The following WASF2 variants were observed in gnomAD, a reference collection of about 807,000 sequenced individuals.
The protein encoded by WASF2 is actin-binding protein WASF2.
WASF2 carries 14 observed loss-of-function variants against 45.0 expected under a neutral mutation model. The observed-to-expected ratio is 0.31, with a 90% CI of 0.21 to 0.49. The LOEUF (loss-of-function observed/expected upper bound fraction) is 0.49, where lower values mean the gene tolerates loss of function less well. Ranked by LOEUF, WASF2 falls within the 20% of genes least tolerant of loss-of-function variation. WASF2 has a pLI of 0.99. For missense variants in WASF2, 439 were observed against 636.1 expected, an observed-to-expected ratio of 0.69 and a Z score of 3.33; for synonymous variants, 200 against 236.3, an observed-to-expected ratio of 0.85 and a Z score of 1.41.
chr1:27,419,700 T>C (rs2016879590), intron 2 of WASF2, among the ~76,000 whole-genome samples: 1 of 152,220 alleles, frequency 6.6e-6, no homozygotes, highest in South Asian at 2.1e-4. Context: ...AAAAACAGAT[T>C]GGGAGTTCAG....
chr1:27,461,460 A>ATTTT (rs1310567255), intron 1 of WASF2, among the ~76,000 whole-genome samples: 2 of 127,700 alleles, frequency 1.6e-5, no homozygotes, highest in African/African-American at 6.0e-5. Flanking sequence ...CCACTTCAGC[A>ATTTT]TTTTTTTTTT....
intron 2 of WASF2, among the ~76,000 whole-genome samples, chr1:27,421,086 A>G (rs937003826): frequency 1.3e-5 from 2 of 152,200 alleles, no homozygotes; most frequent in Non-Finnish European, 2.9e-5. Context: ...TTGCTGGTAA[A>G]TTTAAGTCAA....
chr1:27,470,476 C>A (rs2017674057), intron 1 of WASF2, among the ~76,000 whole-genome samples: 1 of 152,024 alleles, frequency 6.6e-6, no homozygotes, highest in African/African-American at 2.4e-5. Flanking sequence ...TGAAAACAAG[C>A]AGGAGTTGAG....
chr1:27,479,562 C>T (rs2017817824), intron 1 of WASF2, among the ~76,000 whole-genome samples: 1 of 152,152 alleles, frequency 6.6e-6, no homozygotes, highest in South Asian at 2.1e-4. Flanking sequence ...TTTACTTTAT[C>T]TATAAAATGC....
intron 1 of WASF2, among the ~76,000 whole-genome samples, chr1:27,430,504 G>A (rs1038260249): frequency 1.3e-5 from 2 of 152,066 alleles, no homozygotes; most frequent in African/African-American, 2.4e-5. Flanking sequence ...AGGATTACAG[G>A]CATGCACCAC....
At chr1:27,459,676 ATGTTCACATG>A (rs1443705038) in intron 1 of WASF2, 1 of 152,174 alleles carries the variant, frequency 6.6e-6, no homozygotes, top group Non-Finnish European at 1.5e-5. Flanking sequence ...AAAAAAACTT[ATGTTCACATG>A]TGTTTTATCC....
At chr1:27,468,367 G>A (rs1006013086) in intron 1 of WASF2, among the ~76,000 whole-genome samples, 6 of 151,912 alleles carry the variant, frequency 3.9e-5, no homozygotes, top group African/African-American at 1.4e-4. Context: ...CTGACCAGGC[G>A]TAGTGGCTCA....
At chr1:27,432,738 A>T (rs967859809) in intron 1 of WASF2, among the ~76,000 whole-genome samples, 1 of 151,174 alleles carries the variant, frequency 6.6e-6, no homozygotes, top group Non-Finnish European at 1.5e-5. Context: ...CTATTCACTG[A>T]TAAATATTTT....
In WASF2 at chr1:27,404,511, C is replaced by T. The variant is rs1571112222; in HGVS notation, c.*3678G>A. On this transcript the variant is annotated 3_prime_UTR_variant, in exon 9 of 9. Coordinates refer to ENST00000618852, the MANE Select transcript of WASF2 (RefSeq NM_006990.5). ...GATCTCCAACTGAAGAGCTCCTTTCCCATCCTCAGGGGAAGAGTGCCTGTT... is the reference window on the plus strand; with the variant it reads ...GATCTCCAACTGAAGAGCTCCTTTCTCATCCTCAGGGGAAGAGTGCCTGTT... The T allele has an allele frequency of 6.6e-6, 1 of 152,182 alleles. No individual in the cohort carries two copies. The highest frequency in any genetic ancestry group is 1.9e-4 in the East Asian group (1 of 5,196). The allele number at this position is 152,182 out of a possible 1,614,324, so 9.4% of individuals were successfully genotyped here.
At chr1:27,421,958 A>T (rs2016913597) in intron 2 of WASF2, among the ~76,000 whole-genome samples, 1 of 152,082 alleles carries the variant, frequency 6.6e-6, no homozygotes, top group African/African-American at 2.4e-5. Flanking sequence ...CCTATCTCAA[A>T]AATAATAATA....
At position 27,409,724 on chromosome 1, in the gene WASF2, G is replaced by A. The variant is rs2016733787; in HGVS notation, c.1307C>T (p.Ala436Val). 6.6e-7 allele frequency: 1 copy of A among 1,511,024 alleles called. No homozygotes were observed. The highest frequency in any genetic ancestry group is 2.3e-5 in the East Asian group (1 of 43,426). The allele number at this position is 1,511,024 out of a possible 1,614,324, so 93.6% of individuals were successfully genotyped here. ...GATGGCTGAAAGCAGGTCGCTACGG[G>A]CATCGCTCACGGCAGGCAAGGAGGA... ...PKSSLPAVSD[A>V]RSDLLSAIRQ... The change falls in exon 8 of 9, where the codon GCC becomes GTC. Residue 436 changes from alanine (A) to valine (V), a missense_variant. This residue lies in a region of WASF2 where 286 missense variants were observed against 373.5 expected (regional missense o/e 0.77). Coordinates refer to ENST00000618852, the MANE Select transcript of WASF2 (RefSeq NM_006990.5).
chr1:27,475,752 T>C (rs1488151494), intron 1 of WASF2, among the ~76,000 whole-genome samples: 6 of 152,152 alleles, frequency 3.9e-5, no homozygotes, highest in Admixed American at 3.9e-4. Context: ...TTCAGCCTCC[T>C]GAGCAGCTGG....
intron 4 of WASF2, 36 bp downstream of exon 4, chr1:27,418,233 A>G: frequency 1.9e-6 from 3 of 1,596,942 alleles, no homozygotes; most frequent in Non-Finnish European, 1.7e-6. Context: ...TTATTAAACC[A>G]TAGGTTGAAA....
intron 1 of WASF2, among the ~76,000 whole-genome samples, chr1:27,429,359 A>G (rs1210656805): frequency 6.6e-6 from 1 of 152,206 alleles, no homozygotes; most frequent in Non-Finnish European, 1.5e-5. Flanking sequence ...CACCAATTAT[A>G]AAGATCAAAA....
chr1:27,472,202 G>A (rs1204234231), intron 1 of WASF2, among the ~76,000 whole-genome samples: 2 of 151,726 alleles, frequency 1.3e-5, no homozygotes, highest in Non-Finnish European at 2.9e-5. Context: ...ATGGTGGCGG[G>A]TGCCTGTAAT....
At chr1:27,458,774 C>G (rs1173950092) in intron 1 of WASF2, among the ~76,000 whole-genome samples, 1 of 150,686 alleles carries the variant, frequency 6.6e-6, no homozygotes, top group African/African-American at 2.4e-5. Context: ...GCCTCGGTGA[C>G]AGAGCGAGAT....
intron 1 of WASF2, among the ~76,000 whole-genome samples, chr1:27,452,421 G>A (rs1157069322): frequency 6.6e-6 from 1 of 152,190 alleles, no homozygotes; most frequent in Admixed American, 6.5e-5. Context: ...ACTGAGGCAG[G>A]AGAATCGCTT....
chr1:27,457,610 A>C (rs1177857740), intron 1 of WASF2, among the ~76,000 whole-genome samples: 1 of 151,908 alleles, frequency 6.6e-6, no homozygotes, highest in Admixed American at 6.6e-5. Flanking sequence ...GGGATTCAAC[A>C]ATATTGTGAC....
intron 1 of WASF2, among the ~76,000 whole-genome samples, chr1:27,461,710 G>A (rs977888239): frequency 7.9e-5 from 12 of 151,822 alleles, no homozygotes; most frequent in Admixed American, 2.0e-4. Flanking sequence ...TCCTGACCTC[G>A]TAATCCACCC....
Sources: gnomAD v4.1 joint callset for allele counts (sites outside exome capture counted in the v4.1 genomes callset) on GRCh38, gnomAD v4.1.1 for gene constraint, gnomAD v4.1.1 regional missense constraint, MANE v1.5 for transcripts, NCBI Gene and HGNC (gene_info 2026-07-23, HGNC 2026-07-21) for gene names.